Variants in IMPG1 observed in about 807,000 individuals in gnomAD.
IMPG1 encodes the protein interphotoreceptor matrix proteoglycan 1.
Under a neutral mutation model 92.0 loss-of-function variants are expected in IMPG1, and 85 were observed. The observed-to-expected ratio is 0.92, with a 90% CI of 0.78 to 1.11. IMPG1 has a LOEUF of 1.11. Among genes scored for constraint, IMPG1 ranks in the 50% least tolerant of loss-of-function variants. The pLI is 0.00. For synonymous variants in IMPG1, 367 were observed against 334.1 expected, an observed-to-expected ratio of 1.10 and a Z score of -1.08; for missense variants, 1,022 against 956.0, an observed-to-expected ratio of 1.07 and a Z score of -0.91.
chr6:75,965,678 G>A lies in IMPG1; in HGVS notation c.1292-14584C>T, dbSNP rs571490088. Among the ~76,000 whole-genome samples, 7 of 132,420 alleles carry A rather than the reference G, an allele frequency of 5.3e-5. No individual in the cohort carries two copies. In the East Asian group the frequency reaches 1.5e-3, roughly 29 times the overall value. The allele number at this position is 132,420 out of a possible 152,430, so 86.9% of individuals were successfully genotyped here. ...GCTGGAGTGCAGTGTGGCCGGTCTT[G>A]GCTTACTGCAAGCTCCGCCTCTGGG... is the stretch of plus-strand genomic sequence containing the variant. On this transcript the variant is annotated intron_variant, in intron 12 of 16. Transcript: ENST00000369950.
intron 15 of IMPG1, among the ~76,000 whole-genome samples, chr6:75,925,176 T>A (rs958348278): frequency 6.6e-6 from 1 of 152,156 alleles, no homozygotes; most frequent in Non-Finnish European, 1.5e-5. Context: ...TTACCCTGAT[T>A]TGATCATTGC....
chr6:75,972,445 T>C (rs1252154789), intron 12 of IMPG1, among the ~76,000 whole-genome samples: 1 of 152,038 alleles, frequency 6.6e-6, no homozygotes, highest in African/African-American at 2.4e-5. Context: ...TCTCCCCTTT[T>C]TTTTGTTCTG....
intron 12 of IMPG1, among the ~76,000 whole-genome samples, chr6:75,996,813 C>G (rs1425828463): frequency 6.6e-6 from 1 of 152,166 alleles, no homozygotes; most frequent in Non-Finnish European, 1.5e-5. Flanking sequence ...TTGATCTACT[C>G]ATAGAAATAT....
At chr6:76,011,008 T>C (rs1275535289) in intron 8 of IMPG1, among the ~76,000 whole-genome samples, 158 bp downstream of exon 8, 1 of 152,200 alleles carries the variant, frequency 6.6e-6, no homozygotes, top group African/African-American at 2.4e-5. Context: ...ATGTTCTAAT[T>C]AGACAGTTCC....
chr6:75,998,272 C>T (rs1782933033), intron 12 of IMPG1, among the ~76,000 whole-genome samples: 1 of 152,182 alleles, frequency 6.6e-6, no homozygotes, highest in South Asian at 2.1e-4. Flanking sequence ...GCTGTAATTC[C>T]TTTAACATGT....
At chr6:75,930,857 G>T in intron 15 of IMPG1, 96 bp downstream of exon 15, 1 of 1,132,528 alleles carries the variant, frequency 8.8e-7, no homozygotes, top group Non-Finnish European at 1.3e-6. Flanking sequence ...AAAAACCATG[G>T]GTTGAAAGGA....
At chr6:76,062,437 A>C (rs1784223103) in intron 1 of IMPG1, among the ~76,000 whole-genome samples, 1 of 152,230 alleles carries the variant, frequency 6.6e-6, no homozygotes, top group Admixed American at 6.5e-5. Context: ...AACTACAAAA[A>C]GGCTGATATA....
At position 75,965,897 on chromosome 6, in the gene IMPG1, A is replaced by G. The variant is rs374994692; in HGVS notation, c.1292-14803T>C. 2.0e-3 allele frequency among the ~76,000 whole-genome samples: 308 copies of G among 152,158 alleles called. 2 individuals are homozygous for G. Among genetic ancestry groups the G allele is most frequent in the Admixed American group, 5.6e-3 (85 of 15,280 alleles). ...GCTAGGATTACAGGCATGAGCCACCACGCCCAGCCACACACTTGTTCTTTA... is the reference window on the plus strand; with the variant it reads ...GCTAGGATTACAGGCATGAGCCACCGCGCCCAGCCACACACTTGTTCTTTA... On this transcript the variant is annotated intron_variant, in intron 12 of 16. Coordinates refer to ENST00000369950, the MANE Select transcript of IMPG1 (RefSeq NM_001563.4).
rs41269325 is a variant in IMPG1, at chr6:75,922,433, T to C, written c.2317-267A>G. 1.6e-3 allele frequency among the ~76,000 whole-genome samples: 249 copies of C among 152,270 alleles called. 1 individual carries two copies. Among genetic ancestry groups the C allele is most frequent in the Non-Finnish European group, 3.4e-3 (228 of 68,002 alleles). On this transcript the variant is annotated intron_variant, in intron 16 of 16. Transcript: ENST00000369950. Reference sequence around the variant, plus strand: ...AGATAGTCTGTGAATGAGTCACCATTTTCCCATCCAACCATAGTAGACACC... The same window carrying C: ...AGATAGTCTGTGAATGAGTCACCATCTTCCCATCCAACCATAGTAGACACC...
intron 14 of IMPG1, among the ~76,000 whole-genome samples, chr6:75,946,252 T>C (rs1242666697): frequency 1.3e-5 from 2 of 152,228 alleles, no homozygotes; most frequent in South Asian, 2.1e-4. Context: ...TTAAGGATCC[T>C]GTTTACTAAG....
intron 9 of IMPG1, among the ~76,000 whole-genome samples, chr6:76,006,292 T>C (rs1425128883): frequency 6.7e-6 from 1 of 149,976 alleles, no homozygotes; most frequent in African/African-American, 2.4e-5. Flanking sequence ...CAATGTAAGA[T>C]ATAGCAGTAG....
intron 15 of IMPG1, 48 bp downstream of exon 15, chr6:75,930,905 T>G: frequency 6.7e-7 from 1 of 1,487,906 alleles, no homozygotes; most frequent in Non-Finnish European, 9.4e-7. Flanking sequence ...TTCTCAGAAG[T>G]GTAAGTAATG....
chr6:75,935,088 C>G, intron 14 of IMPG1: 1 of 463,562 alleles, frequency 2.2e-6, no homozygotes, highest in Non-Finnish European at 4.5e-6. Flanking sequence ...AAACCTAGTT[C>G]TCGCTAGATG....
At chr6:75,927,137 G>A (rs1216396839) in intron 15 of IMPG1, among the ~76,000 whole-genome samples, 2 of 152,178 alleles carry the variant, frequency 1.3e-5, no homozygotes, top group Non-Finnish European at 1.5e-5. Context: ...TTACAGGGCT[G>A]CCCTTTGTTG....
At chr6:75,945,250 T>C (rs1781905117) in intron 14 of IMPG1, among the ~76,000 whole-genome samples, 1 of 152,230 alleles carries the variant, frequency 6.6e-6, no homozygotes, top group East Asian at 1.9e-4. Context: ...TAATGTTTAT[T>C]AAGTAACTAG....
At chr6:76,052,652 G>T (rs1157303484) in intron 1 of IMPG1, among the ~76,000 whole-genome samples, 1 of 152,076 alleles carries the variant, frequency 6.6e-6, no homozygotes, top group Non-Finnish European at 1.5e-5. Context: ...AATTTACTTT[G>T]GCAATTTTAG....
intron 12 of IMPG1, among the ~76,000 whole-genome samples, chr6:75,965,460 C>T (rs1054309214): frequency 4.0e-5 from 6 of 151,298 alleles, no homozygotes; most frequent in African/African-American, 1.5e-4. Context: ...AAAATCTGAA[C>T]GTCTTTTCAT....
rs746164603 is a variant in IMPG1 at position 76,003,939 on chromosome 6, A to T, written c.1147T>A (p.Ser383Thr). Residue 383 changes from serine to threonine, a missense_variant, in exon 11 of 17, where the codon TCA becomes ACA. This residue lies in a region of IMPG1 where 681 missense variants were observed against 583.6 expected (regional missense o/e 1.17). Transcript: ENST00000369950. ...TIQFTDEIAG[S>T]LPAFGPDTQS... ...GTGTCAGGACCAAAGGCTGGCAGTG[A>T]TCCAGCAATTTCTATGGGTAAAAAA... 10 of 1,612,024 alleles carry T rather than the reference A, an allele frequency of 6.2e-6. No individual in the cohort carries two copies. In the African/African-American group the frequency reaches 1.3e-4, roughly 22 times the overall value.
At chr6:76,024,255 A>C (rs1783484029) in intron 5 of IMPG1, among the ~76,000 whole-genome samples, 1 of 152,204 alleles carries the variant, frequency 6.6e-6, no homozygotes. Context: ...ATTTATTTAC[A>C]AATATCTATT....
Sources: gnomAD v4.1 joint callset for allele counts (sites outside exome capture counted in the v4.1 genomes callset) on GRCh38, gnomAD v4.1.1 for gene constraint, gnomAD v4.1.1 regional missense constraint, MANE v1.5 for transcripts, NCBI Gene and HGNC (gene_info 2026-07-23, HGNC 2026-07-21) for gene names.